Variants in TJP2 observed in about 807,000 individuals in gnomAD.
TJP2 encodes Friedreich ataxia region gene X104 (tight junction protein ZO-2).
TJP2 carries 91 observed loss-of-function variants against 133.1 expected under a neutral mutation model. That is an observed-to-expected ratio of 0.68 (90% CI 0.58 to 0.81). The LOEUF is 0.81. Ranked by LOEUF, TJP2 falls within the 40% of genes least tolerant of loss-of-function variation. TJP2 has a pLI of 0.00. For synonymous variants in TJP2, 592 were observed against 583.4 expected (o/e 1.01, Z -0.21); for missense variants, 1,541 against 1,565.6 (o/e 0.98, Z 0.26).
intron 21 of TJP2, among the ~76,000 whole-genome samples, chr9:69,251,601 G>A (rs1588163160): frequency 1.3e-5 from 2 of 152,052 alleles, no homozygotes; most frequent in East Asian, 3.9e-4. Flanking sequence ...ACAGAACTTT[G>A]TATAGAGTTC....
chr9:69,241,817 A>G (rs9410509), intron 17 of TJP2, among the ~76,000 whole-genome samples: 44,209 of 152,134 alleles, frequency 0.29, 7,429 homozygotes, highest in South Asian at 0.38. Flanking sequence ...AGCCCAGACT[A>G]AACTATAGCG....
intron 1 of TJP2, among the ~76,000 whole-genome samples, chr9:69,202,216 C>A (rs1254995430): frequency 2.0e-5 from 3 of 152,310 alleles, no homozygotes; most frequent in African/African-American, 7.2e-5. Flanking sequence ...GTTGCTGTAT[C>A]CTTACATGAC....
chr9:69,150,297 CTTT>C (rs1342768790), intron 1 of TJP2, among the ~76,000 whole-genome samples: 1 of 142,198 alleles, frequency 7.0e-6, no homozygotes, highest in Admixed American at 7.0e-5. Flanking sequence ...TTTTTCTTTT[CTTT>C]TTTTTTTTTT....
intron 5 of TJP2, among the ~76,000 whole-genome samples, chr9:69,222,874 G>A (rs1389695398): frequency 6.6e-6 from 1 of 151,900 alleles, no homozygotes; most frequent in Non-Finnish European, 1.5e-5. Context: ...TTGGAGACCA[G>A]CCTGGCCAAC....
At chr9:69,221,649 G>A (rs1396835880) in intron 5 of TJP2, among the ~76,000 whole-genome samples, 153 bp downstream of exon 5, 3 of 152,022 alleles carry the variant, frequency 2.0e-5, no homozygotes, top group African/African-American at 7.2e-5. Flanking sequence ...CACCTCCCGG[G>A]TTCAAGTGAT....
chr9:69,174,765 T>G (rs1340171062), intron 1 of TJP2, among the ~76,000 whole-genome samples: 4 of 123,650 alleles, frequency 3.2e-5, no homozygotes, highest in Non-Finnish European at 1.8e-5. Flanking sequence ...TGCATGTCTT[T>G]GTGTTTTCCT....
rs1188939721 is a variant in TJP2, at chr9:69,128,191, T to C, written c.-131+6466T>C. ...GATTGTTTCTGCTTTCTGGCTATTA[T>C]GAATAATGTTGTTATGAACACTCAT... On this transcript the variant is annotated intron_variant, in intron 1 of 5. Transcript: ENST00000423935. Among the ~76,000 whole-genome samples the C allele has an allele frequency of 2.6e-5, 2 of 77,718 alleles. 1 individual carries two copies. The highest frequency in any genetic ancestry group is 6.0e-5 in the Non-Finnish European group (2 of 33,608). The allele number at this position is 77,718 out of a possible 152,430, so 51.0% of individuals were successfully genotyped here. A position where few individuals can be genotyped will look rare whatever the true frequency, so the allele number is the denominator to read the frequency against.
At chr9:69,217,702 T>C (rs936673038) in intron 3 of TJP2, among the ~76,000 whole-genome samples, 8 of 152,168 alleles carry the variant, frequency 5.3e-5, no homozygotes, top group Non-Finnish European at 1.0e-4. Flanking sequence ...AATAAAATTA[T>C]AGTTAAGAAA....
intron 22 of TJP2, chr9:69,253,146 T>C (rs990967515): frequency 9.1e-6 from 5 of 550,754 alleles, no homozygotes; most frequent in African/African-American, 1.9e-5. Context: ...GCCAGTACAT[T>C]TGACACATTG....
chr9:69,151,635 A>G (rs1823483910), intron 1 of TJP2: 1 of 1,232,012 alleles, frequency 8.1e-7, no homozygotes. Context: ...ATTTTTAACA[A>G]CACTGTCTTT....
At chr9:69,213,270 T>G (rs1828079945) in intron 2 of TJP2, among the ~76,000 whole-genome samples, 1 of 151,836 alleles carries the variant, frequency 6.6e-6, no homozygotes, top group Non-Finnish European at 1.5e-5. Flanking sequence ...TCCATGTTGG[T>G]CAGGCTGGTC....
intron 2 of TJP2, among the ~76,000 whole-genome samples, chr9:69,213,639 C>G (rs1305464783): frequency 6.6e-6 from 1 of 152,240 alleles, no homozygotes; most frequent in African/African-American, 2.4e-5. Flanking sequence ...CCCAGGTACC[C>G]AGACTTCCAG....
chr9:69,127,895 A>G (rs1213950047), intron 1 of TJP2, among the ~76,000 whole-genome samples: 2 of 72,522 alleles, frequency 2.8e-5, no homozygotes, highest in African/African-American at 8.6e-5. Context: ...GCTTATGTAC[A>G]TTGTAGTATG....
intron 19 of TJP2, chr9:69,249,025 ACAC>A: frequency 1.0e-6 from 1 of 1,003,158 alleles, no homozygotes; most frequent in South Asian, 4.5e-5. Flanking sequence ...GGAGAAAAAT[ACAC>A]CATTACCACA....
intron 1 of TJP2, among the ~76,000 whole-genome samples, chr9:69,148,922 A>G (rs994113025): frequency 6.6e-6 from 1 of 152,216 alleles, no homozygotes; most frequent in African/African-American, 2.4e-5. Flanking sequence ...AGAAAGATAG[A>G]ATAAAAATAA....
At chr9:69,188,617 CAA>C (rs1198815453) in intron 1 of TJP2, among the ~76,000 whole-genome samples, 3 of 152,132 alleles carry the variant, frequency 2.0e-5, no homozygotes, top group African/African-American at 7.2e-5. Context: ...TCAATGTTGT[CAA>C]GAGATGTCTT....
At chr9:69,179,456 G>A (rs1449670785) in intron 1 of TJP2, among the ~76,000 whole-genome samples, 3 of 151,824 alleles carry the variant, frequency 2.0e-5, no homozygotes, top group Non-Finnish European at 4.4e-5. Context: ...GTTACTGTAT[G>A]GGGGTGCAGT....
In TJP2 at chr9:69,249,533, C is replaced by T. The variant is rs755611589; in HGVS notation, c.2991+48C>T. On this transcript the variant is annotated intron_variant, in intron 20 of 22. Transcript: ENST00000377245. ...ATGGGAAGGAAGAGGAAGCAGATGC[C>T]TCTGAAGCCTCCTGGACGGCCAGGG... is the stretch of plus-strand genomic sequence containing the variant. 18 of 1,562,688 alleles carry T rather than the reference C, an allele frequency of 1.2e-5. No individual in the cohort carries two copies. The East Asian group carries it at 3.3e-4, about 29-fold the overall frequency.
upstream of TJP2, among the ~76,000 whole-genome samples, chr9:69,170,905 C>T (rs1433973573): frequency 6.6e-6 from 1 of 152,194 alleles, no homozygotes; most frequent in East Asian, 1.9e-4. Flanking sequence ...TGTCCCCTCC[C>T]AAGACTTCAA....
Sources: gnomAD v4.1 joint callset for allele counts (sites outside exome capture counted in the v4.1 genomes callset) on GRCh38, gnomAD v4.1.1 for gene constraint, MANE v1.5 for transcripts, NCBI Gene and HGNC (gene_info 2026-07-23, HGNC 2026-07-21) for gene names.